The following SCN3B variants were observed in gnomAD, a reference collection of about 807,000 sequenced individuals.
The protein encoded by SCN3B is sodium channel regulatory subunit beta-3.
SCN3B carries 11 observed loss-of-function variants against 25.4 expected under a neutral mutation model. That is an observed-to-expected ratio of 0.43 (90% CI 0.27 to 0.72). SCN3B has a LOEUF of 0.72. SCN3B is among the 30% of genes least tolerant of loss of function. The pLI, the probability that SCN3B is intolerant of heterozygous loss-of-function variation, is 0.18. For missense variants in SCN3B, 218 were observed against 278.3 expected, an observed-to-expected ratio of 0.78 and a Z score of 1.54; for synonymous variants, 109 against 110.7, an observed-to-expected ratio of 0.99 and a Z score of 0.09.
At chr11:123,650,010 T>G (rs899935434) in intron 2 of SCN3B, among the ~76,000 whole-genome samples, 1 of 152,314 alleles carries the variant, frequency 6.6e-6, no homozygotes, top group East Asian at 1.9e-4. Flanking sequence ...AGTCCACCAC[T>G]GCCCTTCTTT....
chr11:123,638,762 A>C (rs1302182717), intron 4 of SCN3B: 1 of 263,406 alleles, frequency 3.8e-6, no homozygotes, highest in Non-Finnish European at 7.4e-6. Flanking sequence ...GTCTACACAG[A>C]TGTAAGGAAC....
At chr11:123,637,263 C>T (rs865827077) in intron 5 of SCN3B, among the ~76,000 whole-genome samples, 4 of 152,280 alleles carry the variant, frequency 2.6e-5, no homozygotes, top group Middle Eastern at 3.4e-3. Flanking sequence ...GACATCTAAG[C>T]GCTGCCAGGC....
Position 123,634,223 on chromosome 11 carries a change from G to A in SCN3B, c.585-17C>T, listed in dbSNP as rs771960243. ...TAGTCAGACCTATAGAGGACACAGG[G>A]AAAGGGAATCAGAGCTTCAGTGCCC... On this transcript the variant is annotated splice_polypyrimidine_tract_variant and intron_variant, in intron 5 of 6. Transcript: ENST00000299333. 2 of 1,611,556 alleles carry A rather than the reference G, an allele frequency of 1.2e-6. No homozygotes were observed. Among genetic ancestry groups the A allele is most frequent in the South Asian group, 2.2e-5 (2 of 90,958 alleles).
intron 4 of SCN3B, chr11:123,638,717 T>C (rs1307878715): frequency 3.2e-6 from 1 of 313,906 alleles, no homozygotes; most frequent in Non-Finnish European, 6.2e-6. Flanking sequence ...TATTACATTA[T>C]CTAATGTATT....
At chr11:123,647,183 A>C (rs1040447812) in intron 2 of SCN3B, among the ~76,000 whole-genome samples, 13 of 152,308 alleles carry the variant, frequency 8.5e-5, no homozygotes, top group African/African-American at 2.9e-4. Flanking sequence ...GGATATTTGA[A>C]AGTAAGACGA....
chr11:123,639,284 A>G (rs1429701135), intron 4 of SCN3B: 1 of 152,194 alleles, frequency 6.6e-6, no homozygotes, highest in African/African-American at 2.4e-5. Flanking sequence ...GCAGTCTCGC[A>G]GTAGTTCTAG....
Position 123,630,540 on chromosome 11 carries a change from A to T in SCN3B, c.*3259T>A, listed in dbSNP as rs1340321884. On this transcript the variant is annotated 3_prime_UTR_variant, in exon 7 of 7. Transcript: ENST00000299333. Reference sequence around the variant, plus strand: ...AGATAAAGCTTCCAGAGAAACAGACATCTAGTCTGGGTCTTTCGTAGGATT... The same window carrying T: ...AGATAAAGCTTCCAGAGAAACAGACTTCTAGTCTGGGTCTTTCGTAGGATT... The T allele has an allele frequency of 1.3e-5, 2 of 152,646 alleles. No homozygotes were observed. Among genetic ancestry groups the T allele is most frequent in the African/African-American group, 4.8e-5 (2 of 41,460 alleles). 9.5% of individuals were successfully genotyped at this position (152,646 alleles called of 1,614,324 possible).
intron 5 of SCN3B, among the ~76,000 whole-genome samples, chr11:123,637,887 G>A (rs968699078): frequency 6.6e-6 from 1 of 152,100 alleles, no homozygotes; most frequent in African/African-American, 2.4e-5. Context: ...TGCCTTAGTG[G>A]TTAAGTGTGC....
Position 123,642,418 on chromosome 11 carries a change from C to T in SCN3B, c.445+28G>A. ...TTCCCTGTCCACAGAGAGCAGGACG[C>T]CCTAGAGACCCTGTGCCTCAGCCTC... On this transcript the variant is annotated intron_variant, in intron 4 of 6. Transcript: ENST00000299333. This position sits in a 1 kb window ranked among gnomAD's most constrained non-coding sequence, Gnocchi z 4.3. The T allele has an allele frequency of 6.2e-7, 1 of 1,609,340 alleles. No homozygotes were observed. The highest frequency in any genetic ancestry group is 2.2e-5 in the East Asian group (1 of 44,856).
chr11:123,646,691 G>T (rs549094164), intron 2 of SCN3B, among the ~76,000 whole-genome samples: 9 of 152,184 alleles, frequency 5.9e-5, no homozygotes, highest in African/African-American at 2.2e-4. Context: ...TTTTTAAAAG[G>T]AGGCAAGTAT....
At chr11:123,645,462 T>C (rs376501150) in intron 3 of SCN3B, 125 bp downstream of exon 3, 1 of 1,012,058 alleles carries the variant, frequency 9.9e-7, no homozygotes, top group Non-Finnish European at 1.6e-6. Context: ...CTGCTGAGGA[T>C]CTGTCAGTGT....
intron 2 of SCN3B, among the ~76,000 whole-genome samples, chr11:123,649,334 C>T (rs1191868303): frequency 5.9e-5 from 9 of 152,212 alleles, no homozygotes; most frequent in African/African-American, 2.2e-4. Flanking sequence ...TAGCCCCTCT[C>T]TTTTCTTGGT....
rs1226469335 is a variant in SCN3B, at chr11:123,642,076, C to G, written c.445+370G>C. Reference sequence around the variant, plus strand: ...GAAGGAGAGATGACTTCCGGGTAACCTCATGAGATTTCTCTGAGCCCACTG... The same window carrying G: ...GAAGGAGAGATGACTTCCGGGTAACGTCATGAGATTTCTCTGAGCCCACTG... On this transcript the variant is annotated intron_variant, in intron 4 of 6. Transcript: ENST00000299333. The surrounding 1 kb of genome is among the most constrained non-coding windows in gnomAD (Gnocchi z 4.3). 6.6e-6 allele frequency among the ~76,000 whole-genome samples: 1 copy of G among 152,192 alleles called. No homozygotes were observed. The highest frequency in any genetic ancestry group is 1.5e-5 in the Non-Finnish European group (1 of 68,036).
At chr11:123,652,626 C>T (rs975394612) in intron 2 of SCN3B, among the ~76,000 whole-genome samples, 4 of 152,130 alleles carry the variant, frequency 2.6e-5, no homozygotes, top group Admixed American at 6.5e-5. Flanking sequence ...ACAATTGTGT[C>T]CAATTACCCT....
At position 123,630,054 on chromosome 11, in the gene SCN3B, C is replaced by G. The variant is rs1460434328; in HGVS notation, c.*3745G>C. The G allele has an allele frequency of 2.0e-5, 3 of 152,164 alleles. No homozygotes were observed. The highest frequency in any genetic ancestry group is 7.2e-5 in the African/African-American group (3 of 41,426). The allele number at this position is 152,164 out of a possible 1,614,324, so 9.4% of individuals were successfully genotyped here. A position where few individuals can be genotyped will look rare whatever the true frequency, so the allele number is the denominator to read the frequency against. On this transcript the variant is annotated 3_prime_UTR_variant, in exon 7 of 7. Coordinates refer to ENST00000299333, the MANE Select transcript of SCN3B (RefSeq NM_001040151.2). The stretch of plus-strand genomic sequence containing the variant: ...GAGAGGAGGGAGTTGCTGTCTCCTA[C>G]TTCCCAGCACATTCCTGCTTTGAAA...
At chr11:123,650,675 C>G (rs1955913678) in intron 2 of SCN3B, among the ~76,000 whole-genome samples, 1 of 152,122 alleles carries the variant, frequency 6.6e-6, no homozygotes, top group South Asian at 2.1e-4. Flanking sequence ...CAGGTGCCCT[C>G]CTGGCGATTG....
At chr11:123,649,827 C>T (rs995992544) in intron 2 of SCN3B, among the ~76,000 whole-genome samples, 1 of 152,080 alleles carries the variant, frequency 6.6e-6, no homozygotes, top group African/African-American at 2.4e-5. Context: ...CCTCAGCCCC[C>T]TGAGTAGCTG....
In SCN3B at chr11:123,633,036, A is replaced by G. The variant is rs1955689786; in HGVS notation, c.*763T>C. On this transcript the variant is annotated 3_prime_UTR_variant, in exon 7 of 7. Coordinates refer to ENST00000299333, the MANE Select transcript of SCN3B (RefSeq NM_001040151.2). The stretch of plus-strand genomic sequence containing the variant: ...GGTGGTGTGCCCACAGGGAGGGCAC[A>G]CATACATTATCGCAATAGGATCAGG... 1 of 152,262 alleles carries G rather than the reference A, an allele frequency of 6.6e-6. No individual in the cohort carries two copies. The highest frequency in any genetic ancestry group is 2.1e-4 in the South Asian group (1 of 4,834). 9.4% of individuals were successfully genotyped at this position (152,262 alleles called of 1,614,324 possible).
chr11:123,634,980 T>C (rs778435764), intron 5 of SCN3B, among the ~76,000 whole-genome samples: 1 of 152,244 alleles, frequency 6.6e-6, no homozygotes, highest in Admixed American at 6.5e-5. Context: ...ATTCTTTACA[T>C]ATAATGTGAT....
Sources: allele counts gnomAD v4.1 joint callset (sites outside exome capture counted in the v4.1 genomes callset), GRCh38; gene constraint gnomAD v4.1.1; non-coding constraint Gnocchi (gnomAD v3.1); transcripts MANE v1.5; gene names NCBI Gene and HGNC (gene_info 2026-07-23, HGNC 2026-07-21).